The following CADPS2 variants were observed in gnomAD, a reference collection of about 807,000 sequenced individuals.
The protein encoded by CADPS2 is calcium-dependent secretion activator 2.
Under a neutral mutation model 172.5 loss-of-function variants are expected in CADPS2, and 93 were observed. That is an observed-to-expected ratio of 0.54 (90% CI 0.46 to 0.64). CADPS2 has a LOEUF of 0.64. CADPS2 is among the 30% of genes least tolerant of loss of function. The pLI is 0.00. For synonymous variants in CADPS2, 546 were observed against 555.2 expected (o/e 0.98, Z 0.23); for missense variants, 1,420 against 1,565.9 (o/e 0.91, Z 1.57).
chr7:122,537,754 G>A (rs886207089), intron 8 of CADPS2, among the ~76,000 whole-genome samples: 17 of 151,422 alleles, frequency 1.1e-4, no homozygotes, highest in South Asian at 4.2e-4. Context: ...TAAGAGAGAC[G>A]AAATTAATAC....
intron 1 of CADPS2, among the ~76,000 whole-genome samples, chr7:122,822,272 A>G (rs1803534833): frequency 6.6e-6 from 1 of 151,728 alleles, no homozygotes; most frequent in Admixed American, 6.6e-5. Context: ...ATTCCATTTA[A>G]TTTCTCAATT....
At chr7:122,842,148 C>T (rs146921647) in intron 1 of CADPS2, among the ~76,000 whole-genome samples, 1 of 152,194 alleles carries the variant, frequency 6.6e-6, no homozygotes, top group African/African-American at 2.4e-5. Flanking sequence ...ACACGGCCCA[C>T]TTCAGATGCC....
intron 7 of CADPS2, among the ~76,000 whole-genome samples, chr7:122,558,198 A>G (rs1563696948): frequency 6.6e-6 from 1 of 152,130 alleles, no homozygotes; most frequent in Non-Finnish European, 1.5e-5. Context: ...ATAATGAAGA[A>G]TTGTTTTTTT....
rs538175901 is a variant in CADPS2, at chr7:122,721,393, A to T, written c.453+15562T>A. Reference sequence around the variant, plus strand: ...TCCCACAGAAATACAAACTACCATCAGAGATTACTACAAACACCTCTACGC... The same window carrying T: ...TCCCACAGAAATACAAACTACCATCTGAGATTACTACAAACACCTCTACGC... On this transcript the variant is annotated intron_variant, in intron 2 of 29. Coordinates refer to ENST00000449022, the MANE Select transcript of CADPS2 (RefSeq NM_017954.11). Among the ~76,000 whole-genome samples the T allele has an allele frequency of 2.6e-5, 4 of 152,334 alleles. No homozygotes were observed. The East Asian group carries it at 7.7e-4, about 29-fold the overall frequency.
At chr7:122,411,911 A>C (rs2047364238) in intron 19 of CADPS2, among the ~76,000 whole-genome samples, 1 of 152,238 alleles carries the variant, frequency 6.6e-6, no homozygotes, top group Non-Finnish European at 1.5e-5. Flanking sequence ...ATAAACATAG[A>C]TATAGCAATA....
intron 24 of CADPS2, chr7:122,386,145 C>T (rs2043637735): frequency 4.4e-6 from 2 of 459,624 alleles, no homozygotes; most frequent in Non-Finnish European, 7.6e-6. Context: ...TTATTGTAAG[C>T]TGTTAGCCTT....
At position 122,698,599 on chromosome 7, in the gene CADPS2, C is replaced by T. The variant is rs548637042; in HGVS notation, c.454-35030G>A. On this transcript the variant is annotated intron_variant, in intron 2 of 29. Transcript: ENST00000449022. ...TTTCTGTGTGAAGGTACAACCTCCC[C>T]GTTCAATAAGTGCAAGCCAGGTCTC... 81 of 1,613,970 alleles carry T rather than the reference C, an allele frequency of 5.0e-5. No homozygotes were observed. In the East Asian group the frequency reaches 1.4e-3, roughly 28 times the overall value.
At chr7:122,517,940 G>A (rs951498979) in intron 8 of CADPS2, among the ~76,000 whole-genome samples, 2 of 151,716 alleles carry the variant, frequency 1.3e-5, no homozygotes, top group Non-Finnish European at 2.9e-5. Flanking sequence ...CTTATGCTTG[G>A]CATTGCTGTT....
intron 6 of CADPS2, among the ~76,000 whole-genome samples, chr7:122,592,295 C>T (rs1395496886): frequency 2.6e-5 from 4 of 152,114 alleles, no homozygotes; most frequent in African/African-American, 9.7e-5. Context: ...GAGATACCAT[C>T]TCACACCAGT....
intron 2 of CADPS2, among the ~76,000 whole-genome samples, chr7:122,726,281 A>G (rs141977527): frequency 5.4e-4 from 82 of 152,210 alleles, no homozygotes; most frequent in Admixed American, 2.8e-3. Context: ...GATAATCAAT[A>G]CAAAATTAAA....
intron 2 of CADPS2, among the ~76,000 whole-genome samples, chr7:122,723,256 G>C (rs944821267): frequency 1.3e-5 from 2 of 152,110 alleles, no homozygotes; most frequent in Middle Eastern, 3.4e-3. Flanking sequence ...CTACAGAATG[G>C]GAGAACATTT....
At chr7:122,459,498 T>C (rs2054194393) in intron 14 of CADPS2, among the ~76,000 whole-genome samples, 1 of 152,120 alleles carries the variant, frequency 6.6e-6, no homozygotes, top group South Asian at 2.1e-4. Flanking sequence ...TGCATGAAAT[T>C]ATTAATTTTC....
intron 2 of CADPS2, chr7:122,681,516 T>C: frequency 1.4e-6 from 2 of 1,451,112 alleles, no homozygotes; most frequent in Non-Finnish European, 1.9e-6. Flanking sequence ...TCCCAAGCTG[T>C]ATGTGAAGCT....
chr7:122,524,907 G>A (rs935275078), intron 8 of CADPS2, among the ~76,000 whole-genome samples: 3 of 152,142 alleles, frequency 2.0e-5, no homozygotes, highest in Non-Finnish European at 2.9e-5. Flanking sequence ...CCAGCACTTC[G>A]GAAGGCTGAG....
At chr7:122,397,875 C>A (rs1205531532) in intron 20 of CADPS2, among the ~76,000 whole-genome samples, 1 of 152,142 alleles carries the variant, frequency 6.6e-6, no homozygotes, top group African/African-American at 2.4e-5. Flanking sequence ...GTGAAAAGGG[C>A]TGCTCAGAAT....
intron 1 of CADPS2, among the ~76,000 whole-genome samples, chr7:122,835,509 C>A (rs2402622): frequency 0.2 from 30,315 of 152,050 alleles, 3,149 homozygotes; most frequent in Middle Eastern, 0.3. Flanking sequence ...AAGTTCGAAC[C>A]CAACGCAAAG....
chr7:122,541,377 TGTA>T (rs1563644598), intron 8 of CADPS2, among the ~76,000 whole-genome samples: 4 of 148,522 alleles, frequency 2.7e-5, no homozygotes, highest in East Asian at 2.0e-4. Context: ...TTTTTTTTTT[TGTA>T]TTTTTAGCAG....
At chr7:122,661,758 A>T (rs2080561082) in intron 3 of CADPS2, among the ~76,000 whole-genome samples, 1 of 152,206 alleles carries the variant, frequency 6.6e-6, no homozygotes, top group Non-Finnish European at 1.5e-5. Flanking sequence ...GGATTCCCTA[A>T]TACCTACAGA....
intron 1 of CADPS2, among the ~76,000 whole-genome samples, chr7:122,875,596 T>A (rs958639728): frequency 2.0e-5 from 3 of 152,172 alleles, no homozygotes; most frequent in African/African-American, 7.2e-5. Context: ...CTAAGTACCA[T>A]AAGCAACATT....
Sources: allele counts gnomAD v4.1 joint callset (sites outside exome capture counted in the v4.1 genomes callset), GRCh38; gene constraint gnomAD v4.1.1; transcripts MANE v1.5; gene names NCBI Gene and HGNC (gene_info 2026-07-23, HGNC 2026-07-21).